Variants in PLEKHA2 observed in about 807,000 individuals in gnomAD.
PLEKHA2 encodes the protein pleckstrin homology domain containing A2.
PLEKHA2 carries 28 observed loss-of-function variants against 53.2 expected under a neutral mutation model. That is an observed-to-expected ratio of 0.53 (90% CI 0.39 to 0.72). The LOEUF (loss-of-function observed/expected upper bound fraction) is 0.72, where lower values mean the gene tolerates loss of function less well. PLEKHA2 is among the 30% of genes least tolerant of loss of function. The pLI is 0.00. For missense variants in PLEKHA2, 426 were observed against 537.9 expected (o/e 0.79, Z 2.06); for synonymous variants, 193 against 196.4 (o/e 0.98, Z 0.14).
intron 8 of PLEKHA2, 36 bp from the exon 9 acceptor site, chr8:38,953,261 A>AGCCTCACTT (rs1049638786): frequency 6.5e-7 from 1 of 1,544,944 alleles, no homozygotes; most frequent in African/African-American, 1.4e-5. Flanking sequence ...TGACACAGAC[A>AGCCTCACTT]GCCTCACTTA....
intron 3 of PLEKHA2, among the ~76,000 whole-genome samples, chr8:38,937,755 A>C (rs1834523611): frequency 6.6e-6 from 1 of 152,220 alleles, no homozygotes; most frequent in South Asian, 2.1e-4. Context: ...GCCAGAAAGC[A>C]GGGGTTTTTC....
At chr8:38,957,503 AT>A in intron 10 of PLEKHA2, 117 bp downstream of exon 10, 1 of 843,676 alleles carries the variant, frequency 1.2e-6, no homozygotes. Flanking sequence ...TAGGCAGTAA[AT>A]TTAGCCCCTG....
chr8:38,969,692 G>A lies in PLEKHA2; in HGVS notation c.1187G>A (p.Arg396Gln), dbSNP rs550012924. 7.6e-6 allele frequency: 12 copies of A among 1,574,618 alleles called. No homozygotes were observed. In the South Asian group the frequency reaches 9.3e-5, roughly 12 times the overall value. Residue 396 changes from arginine to glutamine, a missense_variant, in exon 12 of 12, where the codon CGG becomes CAG. Transcript: ENST00000617275. ...GSAPGVLPSS[R>Q]IRHRSEPQHP... Reference sequence around the variant, plus strand: ...GCTCCTGGGGTGCTGCCCAGCTCCCGGATAAGGCACAGATCGGAGCCCCAG... The same window carrying A: ...GCTCCTGGGGTGCTGCCCAGCTCCCAGATAAGGCACAGATCGGAGCCCCAG...
rs56714628 is a variant in PLEKHA2, at chr8:38,964,852, C to CTTTTTTTTTTTTTTTTTTT, written c.838-3728_838-3710dup. Among the ~76,000 whole-genome samples, 5 of 54,958 alleles carry CTTTTTTTTTTTTTTTTTTT rather than the reference C, an allele frequency of 9.1e-5. 2 individuals carry two copies. The highest frequency in any genetic ancestry group is 1.7e-3 in the East Asian group (2 of 1,174). The allele number at this position is 54,958 out of a possible 152,430, so 36.1% of individuals were successfully genotyped here. On this transcript the variant is annotated intron_variant, in intron 10 of 11. Transcript: ENST00000617275. The stretch of plus-strand genomic sequence containing the variant: ...TATTTTATTTTTTCTTGTTACTTCC[C>CTTTTTTTTTTTTTTTTTTT]TTTTTTTTTTTTTTTTTTTTTTTTT...
intron 9 of PLEKHA2, among the ~76,000 whole-genome samples, chr8:38,956,906 A>T (rs1834951466): frequency 6.6e-6 from 1 of 152,174 alleles, no homozygotes; most frequent in Admixed American, 6.5e-5. Context: ...TGTTGTGAAG[A>T]TTAGATGAAA....
At chr8:38,924,331 AGGAGTCAGGCGCTGAGACAG>A (rs1444886077) in intron 2 of PLEKHA2, among the ~76,000 whole-genome samples, 1 of 152,134 alleles carries the variant, frequency 6.6e-6, no homozygotes, top group Non-Finnish European at 1.5e-5. Flanking sequence ...CCCTGAGACG[AGGAGTCAGGCGCTGAGACAG>A]GGAGTCAGGC....
intron 2 of PLEKHA2, among the ~76,000 whole-genome samples, chr8:38,928,065 G>A (rs974806189): frequency 3.3e-5 from 5 of 151,922 alleles, no homozygotes; most frequent in East Asian, 3.9e-4. Context: ...GAGGGAAACC[G>A]ATTAGAAAGT....
chr8:38,908,254 G>A (rs1010211632), intron 1 of PLEKHA2, among the ~76,000 whole-genome samples: 2 of 152,184 alleles, frequency 1.3e-5, no homozygotes, highest in African/African-American at 4.8e-5. Flanking sequence ...GAGAAAGAGG[G>A]AAAGGCGCTC....
At position 38,918,646 on chromosome 8, in the gene PLEKHA2, A is replaced by G. The variant is rs564041521; in HGVS notation, c.141+576A>G. On this transcript the variant is annotated intron_variant, in intron 2 of 11. Transcript: ENST00000617275. Reference sequence around the variant, plus strand: ...ACACACACCACACACAGAGACACACATACACCATACACACACCCCCATACA... The same window carrying G: ...ACACACACCACACACAGAGACACACGTACACCATACACACACCCCCATACA... Among the ~76,000 whole-genome samples, 57 of 45,080 alleles carry G rather than the reference A, an allele frequency of 1.3e-3. 1 individual carries two copies. In the East Asian group the frequency reaches 0.034, roughly 27 times the overall value. 29.6% of individuals were successfully genotyped at this position (45,080 alleles called of 152,430 possible). A position where few individuals can be genotyped will look rare whatever the true frequency, so the allele number is the denominator to read the frequency against.
chr8:38,928,313 A>T (rs1226908332), intron 2 of PLEKHA2, among the ~76,000 whole-genome samples: 4 of 132,582 alleles, frequency 3.0e-5, no homozygotes, highest in African/African-American at 1.2e-4. Context: ...CAGTGGTGTG[A>T]TCTTGGCTCA....
chr8:38,940,087 A>T (rs1315774799), intron 3 of PLEKHA2, among the ~76,000 whole-genome samples: 1 of 95,034 alleles, frequency 1.1e-5, no homozygotes, highest in East Asian at 2.9e-4. Context: ...GTGAGACCCT[A>T]TCTCTTAAAA....
intron 1 of PLEKHA2, among the ~76,000 whole-genome samples, chr8:38,915,711 G>C (rs115425965): frequency 1.3e-5 from 2 of 152,272 alleles, no homozygotes; most frequent in Admixed American, 1.3e-4. Context: ...ATGCTGGGCC[G>C]GGGCTGTGAC....
intron 2 of PLEKHA2, among the ~76,000 whole-genome samples, chr8:38,934,944 C>T (rs1159800943): frequency 2.6e-5 from 4 of 152,186 alleles, no homozygotes; most frequent in Admixed American, 2.6e-4. Flanking sequence ...AAAACTATAA[C>T]AGCTCACACT....
intron 1 of PLEKHA2, among the ~76,000 whole-genome samples, chr8:38,914,010 G>T (rs1327670407): frequency 1.3e-5 from 2 of 152,168 alleles, no homozygotes; most frequent in Non-Finnish European, 2.9e-5. Context: ...CCCCTGCTGT[G>T]CTGCAACACA....
At chr8:38,943,966 G>A in intron 4 of PLEKHA2, 129 bp downstream of exon 4, 1 of 618,438 alleles carries the variant, frequency 1.6e-6, no homozygotes, top group South Asian at 3.3e-5. Context: ...CACAGTGACG[G>A]TCCTGGACGT....
intron 5 of PLEKHA2, among the ~76,000 whole-genome samples, chr8:38,950,361 C>T (rs1396303299): frequency 2.6e-5 from 4 of 152,188 alleles, no homozygotes; most frequent in African/African-American, 7.2e-5. Context: ...CTCCAGGTTG[C>T]CGTTTGAGTG....
chr8:38,952,508 C>G (rs1254970493), intron 7 of PLEKHA2, 128 bp from the exon 8 acceptor site: 3 of 1,314,132 alleles, frequency 2.3e-6, no homozygotes, highest in Non-Finnish European at 3.2e-6. Context: ...ATGAAGAAGC[C>G]CTTGCCCCTG....
intron 4 of PLEKHA2, among the ~76,000 whole-genome samples, chr8:38,945,610 G>A (rs1284380276): frequency 6.6e-6 from 1 of 152,088 alleles, no homozygotes; most frequent in Non-Finnish European, 1.5e-5. Flanking sequence ...TGACCTAATG[G>A]AATGCTCAGA....
intron 1 of PLEKHA2, among the ~76,000 whole-genome samples, chr8:38,914,125 A>G (rs539307790): frequency 5.9e-5 from 9 of 151,788 alleles, no homozygotes; most frequent in African/African-American, 2.2e-4. Flanking sequence ...GTGCTGTTTC[A>G]CCTCTGTCCT....
Sources: allele counts gnomAD v4.1 joint callset (sites outside exome capture counted in the v4.1 genomes callset), GRCh38; gene constraint gnomAD v4.1.1; transcripts MANE v1.5; gene names NCBI Gene and HGNC (gene_info 2026-07-23, HGNC 2026-07-21).